Variants in JAK2 observed in about 807,000 individuals in gnomAD.
JAK2 encodes Janus kinase 2.
A neutral mutation model predicts 139.3 loss-of-function variants in JAK2; 86 were observed. That is an observed-to-expected ratio of 0.62 (90% CI 0.52 to 0.74). The LOEUF is 0.74. JAK2 is among the 30% of genes least tolerant of loss of function. JAK2 has a pLI of 0.00. For synonymous variants in JAK2, 490 were observed against 437.7 expected (o/e 1.12, Z -1.49); for missense variants, 1,421 against 1,360.3 (o/e 1.04, Z -0.70).
rs1249480394 is a variant in JAK2, at chr9:5,069,161, A to C, written c.1466A>C (p.Asp489Ala). Residue 489 changes from aspartate to alanine, a missense_variant, in exon 11 of 25, where the codon GAC becomes GCC. Transcript: ENST00000381652. Reference sequence around the variant, plus strand: ...TACCAGATGGAAACTGTTCGCTCAGACAATATAATTTTCCAGTTTACTAAA... The same window carrying C: ...TACCAGATGGAAACTGTTCGCTCAGCCAATATAATTTTCCAGTTTACTAAA... ...NCYQMETVRS[D>A]NIIFQFTKCC... 6.2e-7 allele frequency: 1 copy of C among 1,611,452 alleles called. No individual in the cohort carries two copies. Among genetic ancestry groups the C allele is most frequent in the East Asian group, 2.2e-5 (1 of 44,742 alleles).
At chr9:5,040,614 A>G (rs1278074659) in intron 4 of JAK2, among the ~76,000 whole-genome samples, 1 of 152,282 alleles carries the variant, frequency 6.6e-6, no homozygotes, top group Non-Finnish European at 1.5e-5. Context: ...TTACAGCTCA[A>G]CAAGACAATG....
In JAK2 at chr9:5,069,979, C is replaced by T. The variant is rs1471406446; in HGVS notation, c.1568C>T (p.Ser523Leu). 4 of 1,608,260 alleles carry T rather than the reference C, an allele frequency of 2.5e-6. No homozygotes were observed. The highest frequency in any genetic ancestry group is 4.5e-5 in the East Asian group (2 of 44,626). The change falls in exon 12 of 25, where the codon TCA becomes TTA. Residue 523 changes from serine (S) to leucine (L), a missense_variant. Physicochemically the swap from Ser to Leu is moderately radical, Grantham distance 145. Coordinates refer to ENST00000381652, the MANE Select transcript of JAK2 (RefSeq NM_004972.4). ...RTNGVSDVPT[S>L]PTLQRPTHMN... Reference sequence around the variant, plus strand: ...AATGGTGTTTCTGATGTACCAACCTCACCAACATTACAGAGGCCTACTCAT... The same window carrying T: ...AATGGTGTTTCTGATGTACCAACCTTACCAACATTACAGAGGCCTACTCAT...
rs1819887676 is a variant in JAK2 at position 5,083,878 on chromosome 9, A to G, written c.2571+2017A>G. ...TTCCATTTGTTGTAGTCTCTGCACAACTACACAATTTCTTTCAATAGTGAA... is the reference window on the plus strand; with the variant it reads ...TTCCATTTGTTGTAGTCTCTGCACAGCTACACAATTTCTTTCAATAGTGAA... On this transcript the variant is annotated intron_variant, in intron 19 of 24. Coordinates refer to ENST00000381652, the MANE Select transcript of JAK2 (RefSeq NM_004972.4). 2.6e-5 allele frequency among the ~76,000 whole-genome samples: 4 copies of G among 152,122 alleles called. No homozygotes were observed. In the South Asian group the frequency reaches 8.3e-4, roughly 31 times the overall value.
chr9:4,994,924 C>A (rs1378553251), intron 2 of JAK2, among the ~76,000 whole-genome samples: 1 of 149,332 alleles, frequency 6.7e-6, no homozygotes, highest in African/African-American at 2.6e-5. Flanking sequence ...TAGTAAATAT[C>A]TTTGTACATT....
intron 19 of JAK2, among the ~76,000 whole-genome samples, chr9:5,082,487 T>A: frequency 6.6e-6 from 1 of 152,368 alleles, no homozygotes; most frequent in Middle Eastern, 3.4e-3. Context: ...AATGAACAAA[T>A]GTATAATTGG....
Position 5,070,357 on chromosome 9 carries a change from A to C in JAK2, c.1641+305A>C, listed in dbSNP as rs141179335. Among the ~76,000 whole-genome samples the C allele has an allele frequency of 6.7e-3, 1,019 of 152,188 alleles. 13 individuals carry two copies. The highest frequency in any genetic ancestry group is 0.023 in the African/African-American group (969 of 41,540). ...TATCGCAACTCCCAAGTTCTCAAGA[A>C]AGTAAGGGAAATTCAAGGGGTTAAA... On this transcript the variant is annotated intron_variant, in intron 12 of 24. Transcript: ENST00000381652.
intron 13 of JAK2, among the ~76,000 whole-genome samples, chr9:5,073,402 G>T (rs556177845): frequency 6.6e-6 from 1 of 152,178 alleles, no homozygotes; most frequent in African/African-American, 2.4e-5. Flanking sequence ...TTGTACTTCT[G>T]TCCTCTATTT....
intron 22 of JAK2, chr9:5,111,180 A>G (rs769435335): frequency 1.2e-4 from 84 of 706,736 alleles, no homozygotes; most frequent in Non-Finnish European, 1.9e-4. Flanking sequence ...GCCACTCTCC[A>G]TTCACATTCC....
intron 4 of JAK2, chr9:5,041,600 G>C (rs1302790138): frequency 2.0e-6 from 1 of 495,920 alleles, no homozygotes; most frequent in Non-Finnish European, 4.0e-6. Flanking sequence ...ACTTTGAGAA[G>C]CCCGACTGTG....
intron 22 of JAK2, among the ~76,000 whole-genome samples, chr9:5,116,418 G>A (rs1363108529): frequency 2.0e-5 from 3 of 152,198 alleles, no homozygotes; most frequent in African/African-American, 4.8e-5. Context: ...TTAGAACTGC[G>A]TTCATCTAAT....
chr9:5,106,714 C>T (rs978881875), intron 22 of JAK2, among the ~76,000 whole-genome samples: 9 of 152,148 alleles, frequency 5.9e-5, no homozygotes, highest in Non-Finnish European at 1.3e-4. Context: ...GAATACTATG[C>T]AGCCATAAAC....
At chr9:4,987,551 C>T (rs966919155) in intron 2 of JAK2, among the ~76,000 whole-genome samples, 10 of 151,888 alleles carry the variant, frequency 6.6e-5, no homozygotes, top group Non-Finnish European at 1.3e-4. Context: ...GCCTGGCCAA[C>T]ATGGTGAAAC....
intron 2 of JAK2, among the ~76,000 whole-genome samples, chr9:5,003,053 T>C (rs998174378): frequency 2.0e-5 from 3 of 152,000 alleles, no homozygotes; most frequent in African/African-American, 7.2e-5. Context: ...TGTATGTGAG[T>C]ATGTTTTTTT....
At chr9:5,093,245 A>G (rs1468161417) in intron 22 of JAK2, among the ~76,000 whole-genome samples, 2 of 152,192 alleles carry the variant, frequency 1.3e-5, no homozygotes, top group African/African-American at 4.8e-5. Flanking sequence ...AAATATTACA[A>G]AAAGTAAAAG....
chr9:5,018,044 C>T (rs1329373083), intron 2 of JAK2, among the ~76,000 whole-genome samples: 1 of 152,088 alleles, frequency 6.6e-6, no homozygotes, highest in Non-Finnish European at 1.5e-5. Flanking sequence ...TTTTTTAGTC[C>T]ATTTAGCCAT....
intron 4 of JAK2, among the ~76,000 whole-genome samples, chr9:5,037,852 A>G (rs764897465): frequency 6.6e-6 from 1 of 152,244 alleles, no homozygotes; most frequent in African/African-American, 2.4e-5. Context: ...AACTTAAAGT[A>G]TAATAGAAAA....
At chr9:5,059,656 C>A (rs562799890) in intron 8 of JAK2, among the ~76,000 whole-genome samples, 3 of 152,242 alleles carry the variant, frequency 2.0e-5, no homozygotes, top group East Asian at 3.9e-4. Flanking sequence ...TCAGTTCACT[C>A]TTCTTTCAGT....
chr9:5,114,023 C>A, intron 22 of JAK2: 1 of 310,844 alleles, frequency 3.2e-6, no homozygotes, highest in South Asian at 3.2e-5. Context: ...ACTGGTCCAT[C>A]GCCTCTCCCA....
chr9:5,040,845 G>T (rs990932097), intron 4 of JAK2: 3 of 217,418 alleles, frequency 1.4e-5, no homozygotes, highest in Non-Finnish European at 2.8e-5. Context: ...CAGAGCCCCA[G>T]CGCGAGCAGG....
Sources: gnomAD v4.1 joint callset for allele counts (sites outside exome capture counted in the v4.1 genomes callset) on GRCh38, gnomAD v4.1.1 for gene constraint, MANE v1.5 for transcripts, NCBI Gene and HGNC (gene_info 2026-07-23, HGNC 2026-07-21) for gene names.